Variants in PDGFRL observed in about 807,000 individuals in gnomAD.
The protein encoded by PDGFRL is platelet derived growth factor receptor like.
A neutral mutation model predicts 37.2 loss-of-function variants in PDGFRL; 46 were observed. That is an observed-to-expected ratio of 1.24 (90% CI 0.98 to 1.58). PDGFRL has a LOEUF of 1.58. Among genes scored for constraint, PDGFRL ranks in the 40% most tolerant of loss-of-function variants. PDGFRL has a pLI of 0.00. For missense variants in PDGFRL, 692 were observed against 467.6 expected (o/e 1.48, Z -4.43); for synonymous variants, 251 against 184.3 (o/e 1.36, Z -2.93).
chr8:17,630,624 C>A (rs1039478643), intron 4 of PDGFRL, among the ~76,000 whole-genome samples: 1 of 152,178 alleles, frequency 6.6e-6, no homozygotes, highest in Non-Finnish European at 1.5e-5. Flanking sequence ...GCCACAGTTC[C>A]CTCCGCTCCC....
At chr8:17,579,466 C>G (rs576726176) in intron 1 of PDGFRL, among the ~76,000 whole-genome samples, 84 of 152,078 alleles carry the variant, frequency 5.5e-4, no homozygotes, top group African/African-American at 2.0e-3. Context: ...AAATTACAGA[C>G]ACAAGGTCCA....
At chr8:17,580,674 G>T (rs1357839621) in intron 1 of PDGFRL, among the ~76,000 whole-genome samples, 1 of 152,174 alleles carries the variant, frequency 6.6e-6, no homozygotes, top group African/African-American at 2.4e-5. Context: ...GGGTCTATTA[G>T]GTTCCTAGGG....
chr8:17,620,556 C>T (rs563034994), intron 2 of PDGFRL, among the ~76,000 whole-genome samples: 1 of 152,068 alleles, frequency 6.6e-6, no homozygotes, highest in Non-Finnish European at 1.5e-5. Context: ...TAGCTAAAGT[C>T]CGTAGTTTAA....
In PDGFRL at chr8:17,621,244, G is replaced by T; in HGVS notation, c.505+42G>T. ...ATTAATGGAACTCTTCAAACTTCTG[G>T]ACCGGGCTGAGAGCTGAAGGTTCCC... On this transcript the variant is annotated intron_variant, in intron 3 of 5. Coordinates refer to ENST00000251630, the MANE Select transcript of PDGFRL (RefSeq NM_001372073.1). 3 of 1,459,124 alleles carry T rather than the reference G, an allele frequency of 2.1e-6. No individual in the cohort carries two copies. The South Asian group carries it at 3.7e-5, about 18-fold the overall frequency. 90.4% of individuals were successfully genotyped at this position (1,459,124 alleles called of 1,614,324 possible). A position where few individuals can be genotyped will look rare whatever the true frequency, so the allele number is the denominator to read the frequency against.
At chr8:17,577,380 C>T in intron 1 of PDGFRL, 73 bp downstream of exon 1, 5 of 1,265,450 alleles carry the variant, frequency 4.0e-6, no homozygotes, top group Non-Finnish European at 5.7e-6. Flanking sequence ...CCCCGCCGCC[C>T]TCCTGCCAGC....
intron 2 of PDGFRL, among the ~76,000 whole-genome samples, chr8:17,593,859 G>T (rs2150815960): frequency 6.7e-6 from 1 of 149,770 alleles, no homozygotes; most frequent in South Asian, 2.1e-4. Context: ...TTGCACTCCA[G>T]CCTGGGCAAC....
rs1024504857 is a variant in PDGFRL at position 17,612,117 on chromosome 8, A to C, written c.354-8934A>C. Among the ~76,000 whole-genome samples the C allele has an allele frequency of 2.6e-5, 4 of 152,288 alleles. No homozygotes were observed. In the East Asian group the frequency reaches 7.7e-4, roughly 29 times the overall value. ...AGTTGGCAGTGTTTCCATTAATCAG[A>C]ACAAAATAATACACAGTAGTTTTAG... On this transcript the variant is annotated intron_variant, in intron 2 of 5. Transcript: ENST00000251630.
chr8:17,577,953 T>G (rs2720577), intron 1 of PDGFRL, among the ~76,000 whole-genome samples: 145,944 of 151,818 alleles, frequency 0.96, 70,409 homozygotes, highest in Non-Finnish European at 1. Flanking sequence ...TTGGTACAGC[T>G]TATGGGACCA....
chr8:17,604,711 T>G (rs182202066), intron 2 of PDGFRL, among the ~76,000 whole-genome samples: 474 of 152,256 alleles, frequency 3.1e-3, no homozygotes, highest in Admixed American at 5.7e-3. Flanking sequence ...GTCATGCACA[T>G]GTACTCTAAA....
intron 2 of PDGFRL, among the ~76,000 whole-genome samples, chr8:17,594,566 T>C (rs1441048192): frequency 6.7e-6 from 1 of 149,108 alleles, no homozygotes; most frequent in African/African-American, 2.5e-5. Context: ...TTTGTTTGTT[T>C]TGTTTTGAGA....
intron 2 of PDGFRL, among the ~76,000 whole-genome samples, chr8:17,605,108 C>T (rs1271174519): frequency 6.6e-6 from 1 of 152,044 alleles, no homozygotes; most frequent in Non-Finnish European, 1.5e-5. Context: ...CAGAGTGAGA[C>T]TCTGTCCCAG....
chr8:17,597,923 T>A (rs191722891), intron 2 of PDGFRL, among the ~76,000 whole-genome samples: 168 of 152,268 alleles, frequency 1.1e-3, no homozygotes, highest in African/African-American at 3.8e-3. Flanking sequence ...TTTATGTAGA[T>A]CTCCTTATGA....
chr8:17,634,800 C>T (rs183082065), intron 5 of PDGFRL, among the ~76,000 whole-genome samples: 2 of 151,998 alleles, frequency 1.3e-5, no homozygotes, highest in African/African-American at 4.8e-5. Flanking sequence ...GGGGAACACA[C>T]ACTGGGGCCT....
intron 2 of PDGFRL, among the ~76,000 whole-genome samples, chr8:17,594,758 G>A (rs981351064): frequency 6.6e-6 from 1 of 151,802 alleles, no homozygotes; most frequent in East Asian, 1.9e-4. Context: ...TTTCACCGTG[G>A]TCTCGATCTC....
chr8:17,630,965 G>C (rs1042342745), intron 4 of PDGFRL, among the ~76,000 whole-genome samples: 3 of 152,056 alleles, frequency 2.0e-5, no homozygotes, highest in Non-Finnish European at 4.4e-5. Context: ...ACATCTCTGT[G>C]TCTACCTGAT....
chr8:17,606,461 C>T (rs528769977), intron 2 of PDGFRL, among the ~76,000 whole-genome samples: 5 of 152,214 alleles, frequency 3.3e-5, no homozygotes, highest in African/African-American at 1.2e-4. Context: ...GAAACGCCAC[C>T]CCCAAACTCT....
Position 17,589,677 on chromosome 8 carries a change from G to A in PDGFRL, c.265G>A (p.Gly89Arg), listed in dbSNP as rs748078865. 2.5e-6 allele frequency: 4 copies of A among 1,613,336 alleles called. No individual in the cohort carries two copies. Among genetic ancestry groups the A allele is most frequent in the East Asian group, 4.5e-5 (2 of 44,872 alleles). Reference sequence around the variant, plus strand: ...CGCCGCTACCCTGAGTCTGCTGGCGGGGCAAACTGTAGAGCTTCGATGTAA... The same window carrying A: ...CGCCGCTACCCTGAGTCTGCTGGCGAGGCAAACTGTAGAGCTTCGATGTAA... ...KPAATLSLLA[G>R]QTVELRCKGS... Residue 89 changes from glycine (G) to arginine (R), a missense_variant, in exon 2 of 6, where the codon GGG becomes AGG. By Grantham distance (125) the Gly-to-Arg change is moderately radical (BLOSUM62 -2). Transcript: ENST00000251630.
chr8:17,631,797 C>A (rs1323001636), intron 4 of PDGFRL, among the ~76,000 whole-genome samples: 1 of 152,188 alleles, frequency 6.6e-6, no homozygotes, highest in Non-Finnish European at 1.5e-5. Flanking sequence ...TCCCCCACCT[C>A]CCCCACAGCT....
intron 2 of PDGFRL, among the ~76,000 whole-genome samples, chr8:17,615,379 G>T (rs1217770598): frequency 6.6e-6 from 1 of 152,056 alleles, no homozygotes; most frequent in Non-Finnish European, 1.5e-5. Flanking sequence ...CCATCACTCA[G>T]TCAAAATTGC....
Sources: gnomAD v4.1 joint callset for allele counts (sites outside exome capture counted in the v4.1 genomes callset) on GRCh38, gnomAD v4.1.1 for gene constraint, MANE v1.5 for transcripts, NCBI Gene and HGNC (gene_info 2026-07-23, HGNC 2026-07-21) for gene names.